Variants in SH3KBP1 observed in about 807,000 individuals in gnomAD.
The protein encoded by SH3KBP1 is SH3 domain containing kinase binding protein 1.
SH3KBP1 carries 8 observed loss-of-function variants against 50.1 expected under a neutral mutation model. That is an observed-to-expected ratio of 0.16 (90% CI 0.09 to 0.29). SH3KBP1 has a LOEUF of 0.29. SH3KBP1 is among the 10% of genes least tolerant of loss of function. SH3KBP1 has a pLI of 1.00. For missense variants in SH3KBP1, 377 were observed against 535.2 expected, an observed-to-expected ratio of 0.70 and a Z score of 2.92; for synonymous variants, 227 against 218.6, an observed-to-expected ratio of 1.04 and a Z score of -0.34.
Position 19,740,231 on chromosome X carries a change from C to A in SH3KBP1, c.286+6087G>T, listed in dbSNP as rs777815608. Among the ~76,000 whole-genome samples, 12 of 111,581 alleles carry A rather than the reference C, an allele frequency of 1.1e-4. No individual in the cohort carries two copies. The South Asian group carries it at 3.8e-3, about 35-fold the overall frequency. On this transcript the variant is annotated intron_variant, in intron 3 of 17. Coordinates refer to ENST00000397821, the MANE Select transcript of SH3KBP1 (RefSeq NM_031892.3). ...CAACGCAGTGTCCCAATAAAACTTG[C>A]CAGAAATGCAGTCAGGGATCAGTTA...
At chrX:19,717,760 C>G (rs1358752072) in intron 3 of SH3KBP1, among the ~76,000 whole-genome samples, 1 of 111,353 alleles carries the variant, frequency 9.0e-6, no homozygotes, top group African/African-American at 3.3e-5. Flanking sequence ...CTAATCTATG[C>G]CTCTAACTGC....
At position 19,643,539 on chromosome X, in the gene SH3KBP1, C is replaced by A. The variant is rs933028357; in HGVS notation, c.802+1861G>T. On this transcript the variant is annotated intron_variant, in intron 7 of 17. Coordinates refer to ENST00000397821, the MANE Select transcript of SH3KBP1 (RefSeq NM_031892.3). Reference sequence around the variant, plus strand: ...GACAGCTGTGAACCACTGTGCCCAGCCCAACTGTAGAAATTCTTATCCTGG... The same window carrying A: ...GACAGCTGTGAACCACTGTGCCCAGACCAACTGTAGAAATTCTTATCCTGG... Among the ~76,000 whole-genome samples, 7 of 108,758 alleles carry A rather than the reference C, an allele frequency of 6.4e-5. No individual in the cohort carries two copies. In the Admixed American group the frequency reaches 6.9e-4, roughly 11 times the overall value. The allele number at this position is 108,758 out of a possible 115,157, so 94.4% of individuals were successfully genotyped here.
Position 19,671,609 on chromosome X carries a change from C to T in SH3KBP1, c.726+12214G>A, listed in dbSNP as rs1213249526. Among the ~76,000 whole-genome samples the T allele has an allele frequency of 3.6e-5, 4 of 111,934 alleles. No individual in the cohort carries two copies. In the Admixed American group the frequency reaches 3.8e-4, roughly 11 times the overall value. ...ATCTAGAGCGCAGTGGTTAAGTGTT[C>T]AAAACTCTGGAGCCGGAGTGTTTGA... On this transcript the variant is annotated intron_variant, in intron 6 of 17. Coordinates refer to ENST00000397821, the MANE Select transcript of SH3KBP1 (RefSeq NM_031892.3).
chrX:19,718,993 G>C (rs961345118), intron 3 of SH3KBP1, among the ~76,000 whole-genome samples: 2 of 111,423 alleles, frequency 1.8e-5, no homozygotes, highest in Admixed American at 1.9e-4. Flanking sequence ...TCCATCTTCC[G>C]AGCTCGCCCC....
intron 13 of SH3KBP1, among the ~76,000 whole-genome samples, chrX:19,558,937 G>A (rs1301973624): frequency 9.0e-6 from 1 of 111,091 alleles, no homozygotes; most frequent in Non-Finnish European, 1.9e-5. Context: ...TTTTAGAGAC[G>A]TAAGTGCCAA....
intron 3 of SH3KBP1, among the ~76,000 whole-genome samples, chrX:19,715,322 T>C (rs1482657131): frequency 4.0e-5 from 4 of 99,764 alleles, no homozygotes; most frequent in Non-Finnish European, 8.2e-5. Flanking sequence ...AAAAAAGTAA[T>C]CAAAAAGAGT....
intron 16 of SH3KBP1, among the ~76,000 whole-genome samples, chrX:19,540,050 G>C (rs886364149): frequency 6.3e-5 from 7 of 111,502 alleles, no homozygotes; most frequent in African/African-American, 2.3e-4. Flanking sequence ...TGATGGTCCT[G>C]TTCAGAAGGC....
chrX:19,796,228 T>C (rs1314512594), intron 2 of SH3KBP1, among the ~76,000 whole-genome samples: 2 of 111,870 alleles, frequency 1.8e-5, no homozygotes, highest in African/African-American at 3.3e-5. Flanking sequence ...AAATAAAAGA[T>C]GAATTTGGGA....
intron 6 of SH3KBP1, among the ~76,000 whole-genome samples, chrX:19,653,763 T>TACACACACAC (rs60424271): frequency 1.2e-5 from 1 of 80,262 alleles, no homozygotes; most frequent in Non-Finnish European, 2.5e-5. Flanking sequence ...TATGTCTAAA[T>TACACACACAC]ACACACACAC....
chrX:19,601,158 G>A (rs969245583), intron 9 of SH3KBP1, among the ~76,000 whole-genome samples: 1 of 111,899 alleles, frequency 8.9e-6, no homozygotes, highest in Non-Finnish European at 1.9e-5. Flanking sequence ...TGTGTGCGGG[G>A]TTGTTGGCTG....
chrX:19,700,611 C>T (rs764251638), intron 4 of SH3KBP1, among the ~76,000 whole-genome samples: 6 of 111,755 alleles, frequency 5.4e-5, no homozygotes, highest in Non-Finnish European at 3.8e-5. Context: ...TTTTAAATAT[C>T]GCTGAAAATA....
At chrX:19,547,457 A>C (rs767632391) in intron 14 of SH3KBP1, among the ~76,000 whole-genome samples, 1 of 111,831 alleles carries the variant, frequency 8.9e-6, no homozygotes, top group Non-Finnish European at 1.9e-5. Context: ...TAAGGCAGAA[A>C]CCTAATGCAT....
chrX:19,844,112 A>G (rs909962250), intron 1 of SH3KBP1, among the ~76,000 whole-genome samples: 2 of 111,651 alleles, frequency 1.8e-5, no homozygotes, highest in African/African-American at 3.3e-5. Context: ...GTGAGACGTG[A>G]TATCTGTAAA....
chrX:19,787,482 A>G (rs1018303194), intron 2 of SH3KBP1, among the ~76,000 whole-genome samples: 9 of 111,941 alleles, frequency 8.0e-5, no homozygotes, highest in Non-Finnish European at 1.5e-4. Context: ...TCATAATCAA[A>G]TAGTGACTCA....
intron 6 of SH3KBP1, among the ~76,000 whole-genome samples, chrX:19,665,633 G>A (rs2062578995): frequency 8.9e-6 from 1 of 111,854 alleles, no homozygotes; most frequent in Non-Finnish European, 1.9e-5. Flanking sequence ...AACATTAAGA[G>A]CCTGAGCTGG....
intron 8 of SH3KBP1, among the ~76,000 whole-genome samples, chrX:19,625,829 C>T (rs16981235): frequency 0.051 from 5,677 of 111,581 alleles, 369 homozygotes; most frequent in African/African-American, 0.18. Flanking sequence ...GAACTCCACC[C>T]GCAGTTACCA....
rs778786776 is a variant in SH3KBP1 at position 19,849,464 on chromosome X, G to A, written c.5-13182C>T. 3.0e-3 allele frequency among the ~76,000 whole-genome samples: 336 copies of A among 110,257 alleles called. 2 individuals are homozygous for A. The highest frequency in any genetic ancestry group is 4.4e-3 in the Non-Finnish European group (230 of 52,779). On this transcript the variant is annotated intron_variant, in intron 1 of 17. Transcript: ENST00000397821. ...AGCACTTCGGGAGGCTGAGGTGGAC[G>A]GATCACTTGAGGTCAGGAGTTCAAG...
chrX:19,543,895 G>A (rs1443278278), intron 15 of SH3KBP1, among the ~76,000 whole-genome samples: 1 of 111,335 alleles, frequency 9.0e-6, no homozygotes, highest in African/African-American at 3.3e-5. Flanking sequence ...AAGGGAGCTG[G>A]GAGGCAGGTG....
intron 1 of SH3KBP1, among the ~76,000 whole-genome samples, chrX:19,856,327 C>T (rs1478394161): frequency 8.9e-6 from 1 of 111,857 alleles, no homozygotes; most frequent in African/African-American, 3.2e-5. Context: ...CAATAAACTA[C>T]ACTACCCTCC....
Sources: allele counts gnomAD v4.1 joint callset (sites outside exome capture counted in the v4.1 genomes callset), GRCh38; gene constraint gnomAD v4.1.1; transcripts MANE v1.5; gene names NCBI Gene and HGNC (gene_info 2026-07-23, HGNC 2026-07-21).